The following TRHDE variants were observed in gnomAD, a reference collection of about 807,000 sequenced individuals.
TRHDE encodes thyrotropin releasing hormone degrading enzyme, also known as thyrotropin-releasing hormone-degrading ectoenzyme.
Under a neutral mutation model 125.7 loss-of-function variants are expected in TRHDE, and 72 were observed. That is an observed-to-expected ratio of 0.57 (90% CI 0.47 to 0.70). The LOEUF (loss-of-function observed/expected upper bound fraction) is 0.70. TRHDE is among the 30% of genes least tolerant of loss of function. The pLI is 0.00. For missense variants in TRHDE, 1,110 were observed against 1,327.1 expected (o/e 0.84, Z 2.54); for synonymous variants, 509 against 509.1 (o/e 1.00, Z 0.00).
chr12:72,586,101 A>G (rs1871427931), intron 12 of TRHDE, among the ~76,000 whole-genome samples: 1 of 152,162 alleles, frequency 6.6e-6, no homozygotes, highest in Non-Finnish European at 1.5e-5. Flanking sequence ...AACTCATGAA[A>G]TCTATTTTTG....
chr12:72,173,953 A>T (rs750164599), intron 2 of TRHDE, among the ~76,000 whole-genome samples: 14 of 152,170 alleles, frequency 9.2e-5, no homozygotes, highest in Non-Finnish European at 1.6e-4. Context: ...ACCTGTATGC[A>T]TGTCGTTTTA....
intron 17 of TRHDE, among the ~76,000 whole-genome samples, chr12:72,653,965 A>G (rs1874608795): frequency 6.6e-6 from 1 of 152,156 alleles, no homozygotes; most frequent in Admixed American, 6.6e-5. Context: ...TGGCTGTGTC[A>G]TATTAAAACA....
intron 12 of TRHDE, among the ~76,000 whole-genome samples, chr12:72,579,929 CTT>C (rs1480783882): frequency 6.6e-6 from 1 of 152,052 alleles, no homozygotes; most frequent in African/African-American, 2.4e-5. Flanking sequence ...TAACTGCTCT[CTT>C]TGTTCTTTTT....
upstream of TRHDE, among the ~76,000 whole-genome samples, chr12:72,270,205 TAA>T (rs1046997412): frequency 2.6e-5 from 4 of 152,176 alleles, no homozygotes; most frequent in African/African-American, 9.7e-5. Context: ...TACAGACATT[TAA>T]AAACAGAGCA....
At chr12:72,191,839 C>A (rs1053459274) in intron 2 of TRHDE, among the ~76,000 whole-genome samples, 3 of 151,998 alleles carry the variant, frequency 2.0e-5, no homozygotes, top group Admixed American at 1.3e-4. Flanking sequence ...AAAAATTATG[C>A]CTATTCATTA....
At chr12:72,622,144 T>C (rs1873080158) in intron 15 of TRHDE, among the ~76,000 whole-genome samples, 1 of 152,064 alleles carries the variant, frequency 6.6e-6, no homozygotes, top group Non-Finnish European at 1.5e-5. Context: ...ATAAACAAAG[T>C]AGCATAACAA....
chr12:72,150,445 C>T (rs1009647862), intron 2 of TRHDE, among the ~76,000 whole-genome samples: 17 of 150,998 alleles, frequency 1.1e-4, no homozygotes, highest in East Asian at 3.9e-4. Context: ...ATGTGCACTA[C>T]GTGCAGGTTA....
chr12:72,278,837 T>C (rs1348477865), intron 1 of TRHDE, among the ~76,000 whole-genome samples: 2 of 152,208 alleles, frequency 1.3e-5, no homozygotes, highest in Non-Finnish European at 2.9e-5. Flanking sequence ...TATGTTTTGG[T>C]CATTAATCAC....
intron 2 of TRHDE, among the ~76,000 whole-genome samples, chr12:72,214,127 A>C (rs892714997): frequency 6.6e-6 from 1 of 152,148 alleles, no homozygotes; most frequent in African/African-American, 2.4e-5. Flanking sequence ...TGGAAATGGT[A>C]AAGGGTTAAT....
chr12:72,250,837 G>GATAGATATATATATATATATATATATAT, intron 2 of TRHDE, among the ~76,000 whole-genome samples: 1 of 117,948 alleles, frequency 8.5e-6, no homozygotes, highest in South Asian at 3.1e-4. Context: ...ATGACTTACA[G>GATAGATATATATATATATATATATATAT]ATATATATAT....
chr12:72,352,990 T>C lies in TRHDE; in HGVS notation c.1189-25005T>C, dbSNP rs181547052. On this transcript the variant is annotated intron_variant, in intron 2 of 18. Coordinates refer to ENST00000261180, the MANE Select transcript of TRHDE (RefSeq NM_013381.3). ...TTTTTAAAAAAGTAGTATGTGTTTCTGCTTCTTTTTTAAAAAAATTACCCA... is the reference window on the plus strand; with the variant it reads ...TTTTTAAAAAAGTAGTATGTGTTTCCGCTTCTTTTTTAAAAAAATTACCCA... 2.8e-3 allele frequency among the ~76,000 whole-genome samples: 419 copies of C among 151,698 alleles called. 1 individual carries two copies. Among genetic ancestry groups the C allele is most frequent in the Middle Eastern group, 0.014 (4 of 292 alleles).
At chr12:72,291,934 C>T (rs1446293093) in intron 2 of TRHDE, among the ~76,000 whole-genome samples, 2 of 152,184 alleles carry the variant, frequency 1.3e-5, no homozygotes, top group Non-Finnish European at 2.9e-5. Flanking sequence ...GTTGGGGCTA[C>T]AAAGACCTAT....
At chr12:72,383,370 ATTT>A (rs552559387) in intron 3 of TRHDE, among the ~76,000 whole-genome samples, 3 of 100,930 alleles carry the variant, frequency 3.0e-5, no homozygotes, top group Non-Finnish European at 5.6e-5. Context: ...AACCCATTTA[ATTT>A]TTTTTTTTTT....
intron 1 of TRHDE, among the ~76,000 whole-genome samples, chr12:72,094,680 A>G (rs934264981): frequency 6.6e-6 from 1 of 152,250 alleles, no homozygotes; most frequent in Non-Finnish European, 1.5e-5. Context: ...ATTAGTAGGC[A>G]TGACTGCATC....
chr12:72,368,414 A>G (rs2135760066), intron 2 of TRHDE, among the ~76,000 whole-genome samples: 1 of 152,250 alleles, frequency 6.6e-6, no homozygotes, highest in Middle Eastern at 3.4e-3. Context: ...TAATTTTAGT[A>G]CAATGAAAGA....
intron 2 of TRHDE, among the ~76,000 whole-genome samples, chr12:72,340,713 G>A (rs1027292850): frequency 3.3e-5 from 5 of 152,070 alleles, no homozygotes; most frequent in Non-Finnish European, 7.4e-5. Flanking sequence ...AGGAAAGGGA[G>A]AAAAAGGCTT....
At chr12:72,252,208 C>T (rs752531113) in intron 2 of TRHDE, among the ~76,000 whole-genome samples, 1 of 152,002 alleles carries the variant, frequency 6.6e-6, no homozygotes, top group African/African-American at 2.4e-5. Context: ...GAATTATTTG[C>T]CTAGTCCTAG....
chr12:72,447,932 CTG>C (rs1875379724), intron 3 of TRHDE, among the ~76,000 whole-genome samples: 1 of 152,042 alleles, frequency 6.6e-6, no homozygotes, highest in African/African-American at 2.4e-5. Context: ...AAATTTATAA[CTG>C]TAACACTTCT....
chr12:72,165,622 A>G (rs1370079156), intron 2 of TRHDE, among the ~76,000 whole-genome samples: 1 of 152,094 alleles, frequency 6.6e-6, no homozygotes, highest in African/African-American at 2.4e-5. Flanking sequence ...ATAAACATAC[A>G]TAGTCACACT....
Sources: allele counts gnomAD v4.1 joint callset (sites outside exome capture counted in the v4.1 genomes callset), GRCh38; gene constraint gnomAD v4.1.1; transcripts MANE v1.5; gene names NCBI Gene and HGNC (gene_info 2026-07-23, HGNC 2026-07-21).